Variants in DHX37 observed in about 807,000 individuals in gnomAD.
DHX37 encodes the protein probable ATP-dependent RNA helicase DHX37.
Under a neutral mutation model 134.3 loss-of-function variants are expected in DHX37, and 52 were observed. The ratio of observed to expected loss-of-function variants is 0.39; its 90% CI spans 0.31 to 0.49. The LOEUF (loss-of-function observed/expected upper bound fraction) is 0.49, where lower values mean the gene tolerates loss of function less well. DHX37 is among the 20% of genes least tolerant of loss of function. The pLI, the probability that DHX37 is intolerant of heterozygous loss-of-function variation, is 0.93. For missense variants in DHX37, 1,344 were observed against 1,580.8 expected (o/e 0.85, Z 2.54); for synonymous variants, 634 against 670.7 (o/e 0.95, Z 0.85).
Position 124,949,529 on chromosome 12 carries a change from C to T in DHX37, c.3290+457G>A, listed in dbSNP as rs1383316062. Among the ~76,000 whole-genome samples the T allele has an allele frequency of 6.6e-6, 1 of 152,140 alleles. No individual in the cohort carries two copies. Among genetic ancestry groups the T allele is most frequent in the African/African-American group, 2.4e-5 (1 of 41,436 alleles). On this transcript the variant is annotated intron_variant, in intron 25 of 26. Coordinates refer to ENST00000308736, the MANE Select transcript of DHX37 (RefSeq NM_032656.4). This position sits in a 1 kb window ranked among gnomAD's most constrained non-coding sequence, Gnocchi z 4.0. ...CAGGATGCCTCCCACTGACACCTGG[C>T]GGCTCTGTGGGAGCTGCCCAGTGTC... is the stretch of plus-strand genomic sequence containing the variant.
At chr12:124,971,084 C>G (rs1954513185) in intron 8 of DHX37, among the ~76,000 whole-genome samples, 1 of 152,234 alleles carries the variant, frequency 6.6e-6, no homozygotes, top group Admixed American at 6.5e-5. Flanking sequence ...GAGGCTGGCA[C>G]CGGGGCGGTG....
At position 124,967,215 on chromosome 12, in the gene DHX37, C is replaced by T. The variant is rs1183880675; in HGVS notation, c.1412G>A (p.Gly471Asp). 6.2e-7 allele frequency: 1 copy of T among 1,613,702 alleles called. No individual in the cohort carries two copies. Among genetic ancestry groups the T allele is most frequent in the East Asian group, 2.2e-5 (1 of 44,874 alleles). The change falls in exon 11 of 27, where the codon GGC becomes GAC. Residue 471 changes from glycine (G) to aspartate (D), a missense_variant. Around this residue, in one of 7 missense-constraint regions of DHX37, gnomAD observed 289 missense variants for 323.8 expected, o/e 0.89. Transcript: ENST00000308736. ...CTGCCCCGTCAGGAACACCAGGATG[C>T]CACCTGTGGAAAGAATGGGCCCCTC... ...CKIHRMLPAG[G>D]ILVFLTGQAE...
intron 15 of DHX37, among the ~76,000 whole-genome samples, chr12:124,963,223 C>T (rs541730735): frequency 3.0e-4 from 45 of 152,338 alleles, no homozygotes; most frequent in African/African-American, 9.6e-4. Context: ...GAAAACTCAC[C>T]GTGCTGAGCG....
chr12:124,960,454 C>T, intron 15 of DHX37, 31 bp from the exon 16 acceptor site: 1 of 1,600,730 alleles, frequency 6.2e-7, no homozygotes, highest in Non-Finnish European at 8.6e-7. Context: ...ACAACAAACA[C>T]AAAACTCACA....
chr12:124,952,193 T>C (rs376101182), intron 21 of DHX37, among the ~76,000 whole-genome samples: 1 of 152,198 alleles, frequency 6.6e-6, no homozygotes. Context: ...TGTGTGAATT[T>C]TATCTCCACT....
chr12:124,977,712 T>G (rs897598145), intron 4 of DHX37, among the ~76,000 whole-genome samples: 5 of 151,946 alleles, frequency 3.3e-5, no homozygotes, highest in African/African-American at 7.2e-5. Context: ...AGGCACAGCT[T>G]GGTTGGGGCA....
rs1953896952 is a variant in DHX37 at position 124,947,397 on chromosome 12, T to C, written c.*405A>G. 6.2e-6 allele frequency: 1 copy of C among 161,924 alleles called. No individual in the cohort carries two copies. The highest frequency in any genetic ancestry group is 2.4e-5 in the African/African-American group (1 of 41,796). 10.0% of individuals were successfully genotyped at this position (161,924 alleles called of 1,614,324 possible). A position where few individuals can be genotyped will look rare whatever the true frequency, so the allele number is the denominator to read the frequency against. On this transcript the variant is annotated 3_prime_UTR_variant, in exon 27 of 27. Transcript: ENST00000308736. Reference sequence around the variant, plus strand: ...CCAGGGCTGGGCAGCCCTCCCTGACTCTGGAGAGGGAAGAATTGCAGGAAG... The same window carrying C: ...CCAGGGCTGGGCAGCCCTCCCTGACCCTGGAGAGGGAAGAATTGCAGGAAG...
chr12:124,982,637 C>T lies in DHX37; in HGVS notation c.277-14G>A, dbSNP rs375527381. The T allele has an allele frequency of 2.0e-4, 319 of 1,611,848 alleles. No individual in the cohort carries two copies. Among genetic ancestry groups the T allele is most frequent in the African/African-American group, 3.5e-4 (26 of 74,964 alleles). ...CATCTCTGCTCGCTGGGAAAGGAAA[C>T]GAGTGTATTATGCATTTGCCATCAC... is the stretch of plus-strand genomic sequence containing the variant. On this transcript the variant is annotated splice_polypyrimidine_tract_variant and intron_variant, in intron 2 of 26. Coordinates refer to ENST00000308736, the MANE Select transcript of DHX37 (RefSeq NM_032656.4).
chr12:124,953,121 G>C (rs1287121400), intron 20 of DHX37: 1 of 152,402 alleles, frequency 6.6e-6, no homozygotes, highest in Non-Finnish European at 1.5e-5. Flanking sequence ...CAACAATAAA[G>C]GTCTAATGTC....
At chr12:124,959,998 C>T (rs544000403) in intron 16 of DHX37, among the ~76,000 whole-genome samples, 214 of 152,298 alleles carry the variant, frequency 1.4e-3, no homozygotes, top group African/African-American at 4.9e-3. Flanking sequence ...AGGACTGGGT[C>T]GGAGAAGGCT....
Position 124,948,520 on chromosome 12 carries a change from G to A in DHX37, c.3291-339C>T, listed in dbSNP as rs1433286439. ...CCAGCACTTTGGGAAGCTGAGGCAG[G>A]TGGATCACCTGAGGCCAGGAGTTCG... On this transcript the variant is annotated intron_variant, in intron 25 of 26. Transcript: ENST00000308736. 3.7e-5 allele frequency: 13 copies of A among 347,372 alleles called. No individual in the cohort carries two copies. The East Asian group carries it at 6.4e-4, about 17-fold the overall frequency. 21.5% of individuals were successfully genotyped at this position (347,372 alleles called of 1,614,324 possible).
chr12:124,953,884 G>A lies in DHX37; in HGVS notation c.2691C>T (p.Thr897=), dbSNP rs374620898. The change falls in exon 20 of 27, where the codon ACC becomes ACT. Residue 897 remains threonine (T), a synonymous_variant. Transcript: ENST00000308736. ...EIRRLRGQLT[T]AVNAVCPEAE... is the part of the protein sequence containing the mutation. ...CGTGCCGGCACGGGGCCGTACCTGC[G>A]GTGGTCAGCTGGCCCCGCAGGCGCC... 2.0e-4 allele frequency: 326 copies of A among 1,611,200 alleles called. 1 individual carries two copies. In the South Asian group the frequency reaches 3.3e-3, roughly 17 times the overall value.
At chr12:124,978,976 G>T (rs1315373474) in intron 4 of DHX37, among the ~76,000 whole-genome samples, 1 of 151,290 alleles carries the variant, frequency 6.6e-6, no homozygotes, top group Non-Finnish European at 1.5e-5. Context: ...ATGACCCAAA[G>T]ATGGCTATCA....
chr12:124,956,533 GGCTAGAGT>G (rs1954097362), intron 18 of DHX37, among the ~76,000 whole-genome samples, 150 bp downstream of exon 18: 1 of 152,092 alleles, frequency 6.6e-6, no homozygotes, highest in Non-Finnish European at 1.5e-5. Flanking sequence ...CTGTTGCCCA[GGCTAGAGT>G]GCAGTTGCAC....
intron 2 of DHX37, among the ~76,000 whole-genome samples, chr12:124,983,447 A>ACACACACACACACAC (rs1565894886): frequency 6.6e-6 from 1 of 151,032 alleles, no homozygotes; most frequent in Admixed American, 6.6e-5. Context: ...ACACACACAG[A>ACACACACACACACAC]ACAAGGTATA....
intron 12 of DHX37, 43 bp from the exon 13 acceptor site, chr12:124,965,855 G>A (rs1173445859): frequency 6.3e-7 from 1 of 1,594,384 alleles, no homozygotes; most frequent in African/African-American, 1.3e-5. Context: ...CAGGGATCCT[G>A]GGTGTGAGGA....
rs1953995196 is a variant in DHX37 at position 124,952,484 on chromosome 12, T to G, written c.2782A>C (p.Ile928Leu). The G allele has an allele frequency of 6.2e-7, 1 of 1,611,662 alleles. No homozygotes were observed. The highest frequency in any genetic ancestry group is 1.3e-5 in the African/African-American group (1 of 74,932). Reference sequence around the variant, plus strand: ...TGGTCCCCCAGGCCTGCCGTCACGATCTGTCGCAGGTAGGTCACCTGGCTC... The same window carrying G: ...TGGTCCCCCAGGCCTGCCGTCACGAGCTGTCGCAGGTAGGTCACCTGGCTC... Reference protein sequence around the residue: ...TESQVTYLRQIVTAGLGDHLA... With the variant: ...TESQVTYLRQLVTAGLGDHLA... The change falls in exon 21 of 27, where the codon ATC becomes CTC. Residue 928 changes from isoleucine (I) to leucine (L), a missense_variant. By Grantham distance (5) the Ile-to-Leu change is conservative. Coordinates refer to ENST00000308736, the MANE Select transcript of DHX37 (RefSeq NM_032656.4).
chr12:124,949,247 C>T lies in DHX37; in HGVS notation c.3290+739G>A, dbSNP rs1208778271. 2.6e-5 allele frequency among the ~76,000 whole-genome samples: 4 copies of T among 152,182 alleles called. No individual in the cohort carries two copies. Among genetic ancestry groups the T allele is most frequent in the African/African-American group, 7.2e-5 (3 of 41,432 alleles). The stretch of plus-strand genomic sequence containing the variant: ...GACACGGCTCCTGACAGCCCAGCAG[C>T]GGGTGCTGTGCCCCACGCCCCATCT... On this transcript the variant is annotated intron_variant, in intron 25 of 26. Coordinates refer to ENST00000308736, the MANE Select transcript of DHX37 (RefSeq NM_032656.4). This position sits in a 1 kb window ranked among gnomAD's most constrained non-coding sequence, Gnocchi z 4.0.
At position 124,986,155 on chromosome 12, in the gene DHX37, T is replaced by C; in HGVS notation, c.217A>G (p.Thr73Ala). Residue 73 changes from threonine to alanine, a missense_variant, in exon 2 of 27, where the codon ACC becomes GCC. Coordinates refer to ENST00000308736, the MANE Select transcript of DHX37 (RefSeq NM_032656.4). ...PLSKKEKKPLTKKEKKVLQKI... is the reference protein window; with the variant it reads ...PLSKKEKKPLAKKEKKVLQKI... ...TGCAGCACTTTCTTCTCCTTCTTGG[T>C]CAGAGGCTTCTTCTCCTTCTTCGAC... 1.2e-6 allele frequency: 2 copies of C among 1,614,220 alleles called. No homozygotes were observed. The highest frequency in any genetic ancestry group is 2.2e-5 in the South Asian group (2 of 91,080).
Sources: allele counts gnomAD v4.1 joint callset (sites outside exome capture counted in the v4.1 genomes callset), GRCh38; gene constraint gnomAD v4.1.1; regional missense constraint gnomAD v4.1.1; non-coding constraint Gnocchi (gnomAD v3.1); transcripts MANE v1.5; gene names NCBI Gene and HGNC (gene_info 2026-07-23, HGNC 2026-07-21).